Variants in CCDC88C observed in about 807,000 individuals in gnomAD.
The protein encoded by CCDC88C is protein Daple.
CCDC88C carries 131 observed loss-of-function variants against 198.8 expected under a neutral mutation model. That is an observed-to-expected ratio of 0.66 (90% CI 0.57 to 0.76). The LOEUF (loss-of-function observed/expected upper bound fraction) is 0.76, where lower values mean the gene tolerates loss of function less well. Ranked by LOEUF, CCDC88C falls within the 30% of genes least tolerant of loss-of-function variation. CCDC88C has a pLI of 0.00. For synonymous variants in CCDC88C, 1,166 were observed against 1,114.7 expected, an observed-to-expected ratio of 1.05 and a Z score of -0.92; for missense variants, 2,553 against 2,631.6, an observed-to-expected ratio of 0.97 and a Z score of 0.65.
In CCDC88C at chr14:91,300,086, A is replaced by ACCTG; in HGVS notation, c.3636-20_3636-17dup. 1 of 1,599,528 alleles carries ACCTG rather than the reference A, an allele frequency of 6.3e-7. No homozygotes were observed. The highest frequency in any genetic ancestry group is 1.1e-5 in the South Asian group (1 of 88,888). On this transcript the variant is annotated splice_polypyrimidine_tract_variant and intron_variant, in intron 20 of 29. Transcript: ENST00000389857. Reference sequence around the variant, plus strand: ...GTCACCGTGCCTGTTGGAGGGAAGCACCTGCCGTGAGTCTGGCCAGGGCCT... The same window carrying ACCTG: ...GTCACCGTGCCTGTTGGAGGGAAGCACCTGCCTGCCGTGAGTCTGGCCAGGGCCT...
At chr14:91,309,669 T>C (rs1477103751) in intron 16 of CCDC88C, among the ~76,000 whole-genome samples, 190 bp downstream of exon 16, 1 of 149,774 alleles carries the variant, frequency 6.7e-6, no homozygotes, top group Non-Finnish European at 1.5e-5. Context: ...CTTCCACACC[T>C]ATCTGAGAAC....
At chr14:91,373,915 C>T (rs1190794739) in intron 3 of CCDC88C, among the ~76,000 whole-genome samples, 2 of 152,208 alleles carry the variant, frequency 1.3e-5, no homozygotes, top group Admixed American at 6.5e-5. Flanking sequence ...TTCCTCAAAC[C>T]CCTCCGCCGG....
At chr14:91,359,590 G>A (rs1894207386) in intron 4 of CCDC88C, 52 bp downstream of exon 4, 14 of 1,459,236 alleles carry the variant, frequency 9.6e-6, no homozygotes, top group East Asian at 4.7e-5. Context: ...GCTGCCCAAC[G>A]CCATGCCTCT....
chr14:91,292,548 T>C (rs1890706235), intron 23 of CCDC88C, among the ~76,000 whole-genome samples: 1 of 152,100 alleles, frequency 6.6e-6, no homozygotes, highest in African/African-American at 2.4e-5. Flanking sequence ...CCTAGACACG[T>C]AGGTGAAGCC....
Position 91,321,106 on chromosome 14 carries a change from G to C in CCDC88C, c.1527+14C>G. 1.3e-5 allele frequency: 21 copies of C among 1,599,492 alleles called. No homozygotes were observed. The highest frequency in any genetic ancestry group is 1.8e-5 in the Non-Finnish European group (21 of 1,172,654). ...GTTCTGTGCTTCCCCGGTGGCCTAA[G>C]GAGGCCGAGGTACCTTCTTGCTGAG... On this transcript the variant is annotated intron_variant, in intron 13 of 29. Transcript: ENST00000389857.
chr14:91,356,352 C>T (rs1232266481), intron 4 of CCDC88C, among the ~76,000 whole-genome samples: 2 of 152,128 alleles, frequency 1.3e-5, no homozygotes, highest in Non-Finnish European at 2.9e-5. Context: ...CTGCCGAGGC[C>T]ACCGTCTAGC....
Position 91,339,794 on chromosome 14 carries a change from C to A in CCDC88C, c.624+90G>T. On this transcript the variant is annotated intron_variant, in intron 7 of 29. Transcript: ENST00000389857. The surrounding 1 kb of genome is among the most constrained non-coding windows in gnomAD (Gnocchi z 5.8). ...CCCACCAGAACCTCAGCAGCAGGAC[C>A]GAGGCGTCTAGGCTGAAGATGAAGG... 7.1e-7 allele frequency: 1 copy of A among 1,402,014 alleles called. No homozygotes were observed. Among genetic ancestry groups the A allele is most frequent in the East Asian group, 2.5e-5 (1 of 39,904 alleles). The allele number at this position is 1,402,014 out of a possible 1,614,324, so 86.8% of individuals were successfully genotyped here.
In CCDC88C at chr14:91,308,458, C is replaced by T; in HGVS notation, c.2899G>A (p.Ala967Thr). The part of the protein sequence containing the change: ...YKILEGRNES[A>T]LKTTLAMKEE... ...TTCATGGCTAGTGTTGTTTTTAATG[C>T]TGATTCATTTCTGCCCTCCAAAATC... The change falls in exon 17 of 30, where the codon GCA becomes ACA. Residue 967 changes from alanine (A) to threonine (T), a missense_variant. Coordinates refer to ENST00000389857, the MANE Select transcript of CCDC88C (RefSeq NM_001080414.4). 6.2e-7 allele frequency: 1 copy of T among 1,613,980 alleles called. No individual in the cohort carries two copies. Among genetic ancestry groups the T allele is most frequent in the Non-Finnish European group, 8.5e-7 (1 of 1,179,870 alleles).
chr14:91,320,007 A>G lies in CCDC88C; in HGVS notation c.1527+1113T>C, dbSNP rs534585116. Among the ~76,000 whole-genome samples, 6 of 150,134 alleles carry G rather than the reference A, an allele frequency of 4.0e-5. No individual in the cohort carries two copies. In the South Asian group the frequency reaches 1.3e-3, roughly 32 times the overall value. ...CCATTGCACTCCAGCCTGGGCAACA[A>G]GAACAAAACTCAGTCTCAAAAAAAA... On this transcript the variant is annotated intron_variant, in intron 13 of 29. Transcript: ENST00000389857.
intron 25 of CCDC88C, 178 bp from the exon 26 acceptor site, chr14:91,283,695 G>C: frequency 1.6e-6 from 1 of 627,624 alleles, no homozygotes; most frequent in East Asian, 2.8e-5. Context: ...GTGGGGGCAA[G>C]AGGGCTTGGC....
chr14:91,384,801 C>T (rs1251085922), intron 3 of CCDC88C, among the ~76,000 whole-genome samples: 2 of 152,128 alleles, frequency 1.3e-5, no homozygotes, highest in African/African-American at 2.4e-5. Flanking sequence ...CTGGAGTCCT[C>T]CCCCACTCCC....
intron 3 of CCDC88C, among the ~76,000 whole-genome samples, chr14:91,369,660 C>T (rs1485987285): frequency 1.3e-5 from 2 of 152,210 alleles, no homozygotes; most frequent in African/African-American, 4.8e-5. Context: ...ACTCCATCTG[C>T]ACAAGAGGCT....
At chr14:91,289,727 T>G (rs34024047) in intron 24 of CCDC88C, among the ~76,000 whole-genome samples, 3,069 of 152,248 alleles carry the variant, frequency 0.02, 62 homozygotes, top group East Asian at 0.086. Flanking sequence ...CCTTGACTCC[T>G]CCCTGGCACT....
chr14:91,341,017 T>TA (rs200926903), intron 6 of CCDC88C, among the ~76,000 whole-genome samples: 2,826 of 151,938 alleles, frequency 0.019, 53 homozygotes, highest in African/African-American at 0.036. Flanking sequence ...ACCCTGTCTC[T>TA]AAAAAAAGAC....
At chr14:91,393,142 G>A (rs1462933871) in intron 3 of CCDC88C, among the ~76,000 whole-genome samples, 1 of 152,124 alleles carries the variant, frequency 6.6e-6, no homozygotes, top group Non-Finnish European at 1.5e-5. Flanking sequence ...AACCCAGGGA[G>A]GGGAGTGCAG....
chr14:91,276,966 T>A (rs1889993421), intron 29 of CCDC88C, among the ~76,000 whole-genome samples: 1 of 151,944 alleles, frequency 6.6e-6, no homozygotes, highest in Admixed American at 6.6e-5. Context: ...GCTACATTTT[T>A]ATTTTTATTT....
In CCDC88C at chr14:91,324,864, C is replaced by T. The variant is rs762197034; in HGVS notation, c.1257G>A (p.Glu419=). ...CGTTCATGCTCTGCTTCTGTGCAAT[C>T]TCAAGGACCATGTTTTCTTCCAGCA... The part of the protein sequence containing the change: ...EELLEENMVL[E]IAQKQSMNES... The change falls in exon 12 of 30, where the codon GAG becomes GAA. Residue 419 remains glutamate (E), a synonymous_variant. Coordinates refer to ENST00000389857, the MANE Select transcript of CCDC88C (RefSeq NM_001080414.4). The T allele has an allele frequency of 1.2e-6, 2 of 1,613,890 alleles. No individual in the cohort carries two copies. The highest frequency in any genetic ancestry group is 1.7e-6 in the Non-Finnish European group (2 of 1,179,890).
At chr14:91,290,645 G>A (rs1362868599) in intron 24 of CCDC88C, among the ~76,000 whole-genome samples, 1 of 152,238 alleles carries the variant, frequency 6.6e-6, no homozygotes, top group East Asian at 1.9e-4. Context: ...CTCCAAAATA[G>A]GAACATGGGT....
At chr14:91,397,741 C>T (rs771497707) in intron 3 of CCDC88C, among the ~76,000 whole-genome samples, 15 of 152,156 alleles carry the variant, frequency 9.9e-5, no homozygotes, top group Non-Finnish European at 1.5e-4. Context: ...GGTGTGAAGC[C>T]GGGTTATCAC....
Sources: gnomAD v4.1 joint callset for allele counts (sites outside exome capture counted in the v4.1 genomes callset) on GRCh38, gnomAD v4.1.1 for gene constraint, Gnocchi (gnomAD v3.1) non-coding constraint, MANE v1.5 for transcripts, NCBI Gene and HGNC (gene_info 2026-07-23, HGNC 2026-07-21) for gene names.